The following TOX3 variants were observed in gnomAD, a reference collection of about 807,000 sequenced individuals.
TOX3 encodes the protein TOX high mobility group box family member 3.
In TOX3, 22 loss-of-function variants were observed where a neutral mutation model predicts 64.3. The observed-to-expected ratio is 0.34, with a 90% CI of 0.24 to 0.49. The LOEUF (loss-of-function observed/expected upper bound fraction) is 0.49. TOX3 is among the 20% of genes least tolerant of loss of function. The pLI is 0.99. For missense variants in TOX3, 661 were observed against 714.4 expected, an observed-to-expected ratio of 0.93 and a Z score of 0.85; for synonymous variants, 291 against 273.6, an observed-to-expected ratio of 1.06 and a Z score of -0.63.
chr16:52,503,846 A>T (rs539431416), intron 1 of TOX3, among the ~76,000 whole-genome samples: 5 of 152,336 alleles, frequency 3.3e-5, no homozygotes, highest in South Asian at 4.1e-4. Context: ...CCAAGAATAA[A>T]TGTATCATAT....
At chr16:52,495,184 T>G (rs1450833534) in intron 1 of TOX3, among the ~76,000 whole-genome samples, 1 of 152,192 alleles carries the variant, frequency 6.6e-6, no homozygotes, top group Non-Finnish European at 1.5e-5. Context: ...CCTTTTACCT[T>G]TAAGACATCA....
chr16:52,520,577 C>A (rs1043413360), intron 1 of TOX3, among the ~76,000 whole-genome samples: 6 of 152,198 alleles, frequency 3.9e-5, no homozygotes, highest in Admixed American at 6.5e-5. Flanking sequence ...TTATCCAAAA[C>A]CTTAGGGCCA....
At chr16:52,514,261 G>A (rs60509738) in intron 1 of TOX3, among the ~76,000 whole-genome samples, 6,974 of 152,176 alleles carry the variant, frequency 0.046, 380 homozygotes, top group East Asian at 0.16. Context: ...CTTATCAGAC[G>A]GCCACCCAAA....
chr16:52,452,540 G>A (rs1455173316), intron 3 of TOX3, among the ~76,000 whole-genome samples: 7 of 149,746 alleles, frequency 4.7e-5, no homozygotes, highest in Non-Finnish European at 8.9e-5. Flanking sequence ...GGGGTGGGGG[G>A]AATGGGGAGG....
chr16:52,483,939 C>T (rs894348228), intron 1 of TOX3, among the ~76,000 whole-genome samples: 3 of 152,078 alleles, frequency 2.0e-5, no homozygotes, highest in Admixed American at 6.6e-5. Context: ...CTGAAGTTAG[C>T]ACTTAATGTG....
chr16:52,502,864 G>C (rs1016444631), intron 1 of TOX3, among the ~76,000 whole-genome samples: 3 of 152,088 alleles, frequency 2.0e-5, no homozygotes, highest in African/African-American at 7.2e-5. Context: ...TTTAAATTGG[G>C]GTCAAAAAAC....
chr16:52,519,682 G>T, intron 1 of TOX3: 1 of 1,126,512 alleles, frequency 8.9e-7, no homozygotes, highest in Non-Finnish European at 1.2e-6. Context: ...AATGGGCTGG[G>T]CGCAGTCGCT....
intron 1 of TOX3, among the ~76,000 whole-genome samples, chr16:52,536,903 A>G (rs929632112): frequency 1.3e-5 from 2 of 151,160 alleles, no homozygotes; most frequent in Non-Finnish European, 2.9e-5. Flanking sequence ...ACATATTTAC[A>G]TATTTTATAT....
chr16:52,446,352 CG>C (rs1177624254), intron 4 of TOX3, 131 bp from the exon 5 acceptor site: 1 of 931,298 alleles, frequency 1.1e-6, no homozygotes, highest in African/African-American at 1.7e-5. Flanking sequence ...CCACCAAAAG[CG>C]GGGGAGGGGT....
chr16:52,444,533 A>ACACACACC, intron 5 of TOX3, 177 bp from the exon 6 acceptor site: 1 of 435,618 alleles, frequency 2.3e-6, no homozygotes, highest in Non-Finnish European at 4.0e-6. Context: ...ACACACACAC[A>ACACACACC]CGGATATTAA....
intron 2 of TOX3, among the ~76,000 whole-genome samples, chr16:52,465,844 T>C (rs950559317): frequency 3.3e-4 from 51 of 152,288 alleles, no homozygotes; most frequent in African/African-American, 1.2e-3. Context: ...ATCTTGAGGT[T>C]CTTAGCAGGC....
intron 3 of TOX3, among the ~76,000 whole-genome samples, chr16:52,451,937 T>C (rs1483051196): frequency 6.6e-6 from 1 of 152,152 alleles, no homozygotes; most frequent in African/African-American, 2.4e-5. Flanking sequence ...AGGGGGCTTG[T>C]CCTGCATATT....
Position 52,439,600 on chromosome 16 carries a change from TTGCTGC to T in TOX3, c.1350_1355del (p.Gln454_Gln455del), listed in dbSNP as rs539707755. 3.3e-5 allele frequency: 52 copies of T among 1,598,864 alleles called. No individual in the cohort carries two copies. The highest frequency in any genetic ancestry group is 1.7e-4 in the South Asian group (15 of 90,310). The stretch of plus-strand genomic sequence containing the variant: ...GCTGCATCTGTTGCATCTGTTGTTG[TTGCTGC>T]TGCTGCTGCTGCTGCAATTGCATCT... On this transcript the variant is annotated inframe_deletion, in exon 7 of 7. Coordinates refer to ENST00000219746, the MANE Select transcript of TOX3 (RefSeq NM_001080430.4).
Position 52,436,505 on chromosome 16 carries a change from T to A in TOX3, c.*2720A>T, listed in dbSNP as rs1489184446. Among the ~76,000 whole-genome samples the A allele has an allele frequency of 6.6e-6, 1 of 152,164 alleles. No individual in the cohort carries two copies. Among genetic ancestry groups the A allele is most frequent in the Non-Finnish European group, 1.5e-5 (1 of 68,042 alleles). On this transcript the variant is annotated 3_prime_UTR_variant, in exon 7 of 7. Transcript: ENST00000219746. ...CTTAAGTCTCAGGAATAGAAACCAG[T>A]CATATGTATAAACTGAAATATAAAT...
intron 1 of TOX3, among the ~76,000 whole-genome samples, chr16:52,482,218 A>G (rs906053610): frequency 1.4e-4 from 21 of 152,218 alleles, no homozygotes; most frequent in African/African-American, 4.6e-4. Flanking sequence ...TTAGCATTTT[A>G]TATAAAATAA....
At chr16:52,510,890 TATC>T (rs1282746484) in intron 1 of TOX3, among the ~76,000 whole-genome samples, 1 of 152,034 alleles carries the variant, frequency 6.6e-6, no homozygotes, top group Non-Finnish European at 1.5e-5. Flanking sequence ...AACAGCTTGA[TATC>T]ATGCAGAGCA....
intron 2 of TOX3, among the ~76,000 whole-genome samples, chr16:52,466,510 G>A (rs40841): frequency 0.67 from 102,119 of 152,052 alleles, 35,770 homozygotes; most frequent in East Asian, 0.87. Flanking sequence ...AATTAGGCAC[G>A]TGCTATAATG....
chr16:52,519,459 C>A (rs1335372738), intron 1 of TOX3: 21 of 1,551,372 alleles, frequency 1.4e-5, no homozygotes, highest in Non-Finnish European at 1.8e-5. Flanking sequence ...CGCCTGGCTC[C>A]CGAGCGAGGT....
At chr16:52,534,734 A>G (rs972233718) in intron 1 of TOX3, among the ~76,000 whole-genome samples, 1 of 152,170 alleles carries the variant, frequency 6.6e-6, no homozygotes, top group Non-Finnish European at 1.5e-5. Flanking sequence ...TGAGAAATAA[A>G]CTAGGTTTGA....
Sources: allele counts gnomAD v4.1 joint callset (sites outside exome capture counted in the v4.1 genomes callset), GRCh38; gene constraint gnomAD v4.1.1; transcripts MANE v1.5; gene names NCBI Gene and HGNC (gene_info 2026-07-23, HGNC 2026-07-21).